Variants in DPP10 observed in about 807,000 individuals in gnomAD.
DPP10 encodes inactive dipeptidyl peptidase 10.
Under a neutral mutation model 120.9 loss-of-function variants are expected in DPP10, and 33 were observed. The ratio of observed to expected loss-of-function variants is 0.27; its 90% CI spans 0.21 to 0.37. The LOEUF (loss-of-function observed/expected upper bound fraction) is 0.37, where lower values mean the gene tolerates loss of function less well. Ranked by LOEUF, DPP10 falls within the 10% of genes least tolerant of loss-of-function variation. The pLI, the probability that DPP10 is intolerant of heterozygous loss-of-function variation, is 1.00. For synonymous variants in DPP10, 337 were observed against 326.1 expected (o/e 1.03, Z -0.36); for missense variants, 816 against 942.8 (o/e 0.87, Z 1.76).
intron 2 of DPP10, among the ~76,000 whole-genome samples, chr2:115,323,981 A>G (rs998846081): frequency 1.3e-5 from 2 of 152,278 alleles, no homozygotes; most frequent in South Asian, 2.1e-4. Flanking sequence ...CACCAGCTGC[A>G]TTAGCCCCTA....
chr2:115,698,112 T>C (rs780641709), intron 7 of DPP10, among the ~76,000 whole-genome samples: 6 of 152,222 alleles, frequency 3.9e-5, no homozygotes, highest in African/African-American at 4.8e-5. Flanking sequence ...GGATGGATCA[T>C]ACATTTTGCC....
chr2:114,791,308 C>T (rs1216007069), intron 1 of DPP10, among the ~76,000 whole-genome samples: 1 of 152,148 alleles, frequency 6.6e-6, no homozygotes, highest in Non-Finnish European at 1.5e-5. Flanking sequence ...CAACTTTCAT[C>T]TGCTTTGCCC....
intron 1 of DPP10, among the ~76,000 whole-genome samples, chr2:114,843,721 C>T (rs1475275207): frequency 6.6e-6 from 1 of 152,092 alleles, no homozygotes; most frequent in East Asian, 1.9e-4. Context: ...TCCCATTTAT[C>T]ATTCTGGTCC....
At chr2:115,836,948 G>A (rs1402716207) in intron 24 of DPP10, among the ~76,000 whole-genome samples, 2 of 152,122 alleles carry the variant, frequency 1.3e-5, no homozygotes, top group Admixed American at 6.5e-5. Flanking sequence ...AAATGGCAGC[G>A]TTGTCCAATC....
chr2:115,462,857 G>C (rs1339161415), intron 3 of DPP10, among the ~76,000 whole-genome samples: 3 of 151,998 alleles, frequency 2.0e-5, no homozygotes, highest in Admixed American at 2.0e-4. Flanking sequence ...AGCCTCCCCA[G>C]TAGCTGTGAC....
chr2:114,986,844 C>A (rs1235634569), intron 1 of DPP10, among the ~76,000 whole-genome samples: 1 of 152,152 alleles, frequency 6.6e-6, no homozygotes, highest in Non-Finnish European at 1.5e-5. Flanking sequence ...AATCTTGGCT[C>A]ACTGCAACCT....
At chr2:114,624,704 G>C (rs893616033) in intron 1 of DPP10, among the ~76,000 whole-genome samples, 6 of 151,920 alleles carry the variant, frequency 3.9e-5, no homozygotes, top group Admixed American at 1.3e-4. Flanking sequence ...GATTACTAAT[G>C]TGTTAATATC....
At chr2:114,967,073 G>A (rs1275010278) in intron 1 of DPP10, among the ~76,000 whole-genome samples, 1 of 151,962 alleles carries the variant, frequency 6.6e-6, no homozygotes, top group Non-Finnish European at 1.5e-5. Context: ...CAAAAAAAGA[G>A]ACAAGAGAGA....
At chr2:114,866,200 G>C (rs1690220978) in intron 1 of DPP10, among the ~76,000 whole-genome samples, 1 of 151,746 alleles carries the variant, frequency 6.6e-6, no homozygotes, top group South Asian at 2.1e-4. Context: ...ATCATGATAA[G>C]AAAGAATGAT....
At chr2:114,867,702 T>C (rs1370424095) in intron 1 of DPP10, among the ~76,000 whole-genome samples, 1 of 152,246 alleles carries the variant, frequency 6.6e-6, no homozygotes, top group African/African-American at 2.4e-5. Context: ...ACCATTTTCA[T>C]GCCTCCACGA....
intron 3 of DPP10, among the ~76,000 whole-genome samples, chr2:115,470,851 C>T (rs1461739974): frequency 6.6e-6 from 1 of 152,142 alleles, no homozygotes. Context: ...AAATGTACTT[C>T]ACCATATTTC....
intron 5 of DPP10, among the ~76,000 whole-genome samples, chr2:115,591,644 T>C (rs898027336): frequency 7.9e-5 from 12 of 152,292 alleles, no homozygotes; most frequent in African/African-American, 2.6e-4. Flanking sequence ...GTGGACTCTT[T>C]TTTGGTTCCA....
intron 1 of DPP10, among the ~76,000 whole-genome samples, chr2:115,088,832 A>G (rs1017156743): frequency 6.6e-6 from 1 of 151,542 alleles, no homozygotes; most frequent in Non-Finnish European, 1.5e-5. Context: ...AATTTATATT[A>G]ATTTTATGTT....
intron 5 of DPP10, among the ~76,000 whole-genome samples, chr2:115,567,009 T>C (rs191862652): frequency 6.6e-6 from 1 of 152,276 alleles, no homozygotes; most frequent in Non-Finnish European, 1.5e-5. Context: ...TAGTTTGAAA[T>C]TGCTAAATTG....
intron 1 of DPP10, among the ~76,000 whole-genome samples, chr2:114,974,879 C>A (rs917226531): frequency 2.6e-5 from 4 of 151,768 alleles, no homozygotes; most frequent in Admixed American, 6.6e-5. Flanking sequence ...AAGAAATATA[C>A]ATATATAATA....
At chr2:114,835,717 T>G (rs1687679536) in intron 1 of DPP10, 3 of 152,180 alleles carry the variant, frequency 2.0e-5, no homozygotes, top group Non-Finnish European at 4.4e-5. Context: ...GAACCATTTG[T>G]AAAATACTGT....
At chr2:114,854,441 G>A (rs777303173) in intron 1 of DPP10, among the ~76,000 whole-genome samples, 40 of 152,142 alleles carry the variant, frequency 2.6e-4, no homozygotes, top group Non-Finnish European at 5.1e-4. Context: ...TCAAAAGCCT[G>A]AGACTATCCA....
intron 1 of DPP10, among the ~76,000 whole-genome samples, chr2:115,257,734 T>A (rs1312717342): frequency 1.3e-5 from 2 of 152,136 alleles, no homozygotes; most frequent in Non-Finnish European, 2.9e-5. Flanking sequence ...ATGTTGAGTA[T>A]TTTTTTCCTA....
chr2:114,635,718 G>A (rs1695254033), intron 1 of DPP10, among the ~76,000 whole-genome samples: 1 of 151,704 alleles, frequency 6.6e-6, no homozygotes, highest in African/African-American at 2.4e-5. Flanking sequence ...AATTGTTCAG[G>A]ACTCCAAAGA....
Sources: gnomAD v4.1 joint callset for allele counts (sites outside exome capture counted in the v4.1 genomes callset) on GRCh38, gnomAD v4.1.1 for gene constraint, MANE v1.5 for transcripts, NCBI Gene and HGNC (gene_info 2026-07-23, HGNC 2026-07-21) for gene names.